GRIN2B: variants seen among roughly 807,000 people sequenced by gnomAD.
The protein encoded by GRIN2B is glutamate ionotropic receptor NMDA type subunit 2B.
Under a neutral mutation model 114.5 loss-of-function variants are expected in GRIN2B, and 5 were observed. The observed-to-expected ratio is 0.04, with a 90% CI of 0.02 to 0.09. The LOEUF (loss-of-function observed/expected upper bound fraction) is 0.09, where lower values mean the gene tolerates loss of function less well. GRIN2B is among the 10% of genes least tolerant of loss of function. GRIN2B has a pLI of 1.00. For missense variants in GRIN2B, 1,108 were observed against 1,943.5 expected (o/e 0.57, Z 8.08); for synonymous variants, 787 against 745.1 (o/e 1.06, Z -0.92).
chr12:13,862,380 T>C (rs2136742319), intron 3 of GRIN2B, among the ~76,000 whole-genome samples: 1 of 152,302 alleles, frequency 6.6e-6, no homozygotes, highest in Non-Finnish European at 1.5e-5. Context: ...AAGTGGGTTT[T>C]ATTGGAAATA....
chr12:13,817,445 C>T (rs1002243055), intron 3 of GRIN2B, among the ~76,000 whole-genome samples: 35 of 152,160 alleles, frequency 2.3e-4, no homozygotes, highest in African/African-American at 8.2e-4. Context: ...ACACGAGCCA[C>T]AGGATTGTAG....
chr12:13,958,292 G>A (rs1867627780), intron 2 of GRIN2B, among the ~76,000 whole-genome samples: 1 of 152,164 alleles, frequency 6.6e-6, no homozygotes, highest in African/African-American at 2.4e-5. Flanking sequence ...AGGCAACAGG[G>A]TTCAATGGAA....
intron 3 of GRIN2B, among the ~76,000 whole-genome samples, chr12:13,781,906 C>A (rs1864122731): frequency 6.6e-6 from 1 of 152,132 alleles, no homozygotes; most frequent in African/African-American, 2.4e-5. Context: ...TTCTAAGACT[C>A]TTAATATGGT....
At chr12:13,889,693 G>A (rs116122669) in intron 2 of GRIN2B, among the ~76,000 whole-genome samples, 1,830 of 152,174 alleles carry the variant, frequency 0.012, 40 homozygotes, top group African/African-American at 0.041. Flanking sequence ...ATTTTCCCCC[G>A]AAACTATCAT....
intron 3 of GRIN2B, among the ~76,000 whole-genome samples, chr12:13,843,107 TG>T (rs201556070): frequency 5.2e-4 from 67 of 128,826 alleles, no homozygotes; most frequent in African/African-American, 1.8e-3. Flanking sequence ...CTTGCTACAC[TG>T]GGGAAAAAAA....
At chr12:13,671,803 G>A (rs1950024134) in intron 5 of GRIN2B, among the ~76,000 whole-genome samples, 1 of 152,250 alleles carries the variant, frequency 6.6e-6, no homozygotes, top group East Asian at 1.9e-4. Flanking sequence ...GACACTGAAG[G>A]CAAGCACTCT....
chr12:13,794,521 G>A (rs1013270748), intron 3 of GRIN2B, among the ~76,000 whole-genome samples: 8 of 152,024 alleles, frequency 5.3e-5, no homozygotes, highest in Non-Finnish European at 1.0e-4. Flanking sequence ...CCCCGGACCC[G>A]AAATACCCAA....
intron 3 of GRIN2B, among the ~76,000 whole-genome samples, chr12:13,757,354 A>G (rs1278377137): frequency 6.6e-6 from 1 of 152,214 alleles, no homozygotes; most frequent in Non-Finnish European, 1.5e-5. Flanking sequence ...TAAGTTGCAA[A>G]TGGTGACAGG....
At chr12:13,856,263 G>A (rs754740153) in intron 3 of GRIN2B, among the ~76,000 whole-genome samples, 1 of 152,222 alleles carries the variant, frequency 6.6e-6, no homozygotes, top group Non-Finnish European at 1.5e-5. Context: ...GCTTGACATT[G>A]CTGCTCAAGG....
At chr12:13,680,012 G>A (rs1049016577) in intron 4 of GRIN2B, among the ~76,000 whole-genome samples, 1 of 152,116 alleles carries the variant, frequency 6.6e-6, no homozygotes, top group Non-Finnish European at 1.5e-5. Flanking sequence ...TAATTTGAGA[G>A]TCTAAAGGCA....
intron 3 of GRIN2B, among the ~76,000 whole-genome samples, chr12:13,756,122 C>T (rs58125071): frequency 1.3e-5 from 2 of 152,026 alleles, no homozygotes; most frequent in East Asian, 3.9e-4. Context: ...GGTTCAAGCA[C>T]TCTCTGCCTC....
At position 13,824,453 on chromosome 12, in the gene GRIN2B, C is replaced by A. The variant is rs571667382; in HGVS notation, c.411+41345G>T. Among the ~76,000 whole-genome samples, 3 of 152,086 alleles carry A rather than the reference C, an allele frequency of 2.0e-5. No homozygotes were observed. The South Asian group carries it at 6.2e-4, about 32-fold the overall frequency. Reference sequence around the variant, plus strand: ...TTTTATTAGCCTTTTAATTTTGATACGCTCTATAGTGATATCCCCCTTTCT... The same window carrying A: ...TTTTATTAGCCTTTTAATTTTGATAAGCTCTATAGTGATATCCCCCTTTCT... On this transcript the variant is annotated intron_variant, in intron 3 of 13. Transcript: ENST00000609686.
At chr12:13,736,505 T>C (rs181881906) in intron 4 of GRIN2B, among the ~76,000 whole-genome samples, 32 of 152,292 alleles carry the variant, frequency 2.1e-4, no homozygotes, top group African/African-American at 5.5e-4. Flanking sequence ...AGTAGCTACA[T>C]CTCATTTCAC....
At chr12:13,743,172 C>T (rs1043544505) in intron 4 of GRIN2B, among the ~76,000 whole-genome samples, 5 of 152,164 alleles carry the variant, frequency 3.3e-5, no homozygotes, top group South Asian at 2.1e-4. Flanking sequence ...TTAGAGTAAA[C>T]GTGCTTTGAG....
rs113108584 is a variant in GRIN2B, at chr12:13,656,487, A to T, written c.1125+19258T>A. ...GGAGACACAAATAAGTCAACTGCAC[A>T]AAGCAAAGAGAGTCAAAGGTCTTTC... On this transcript the variant is annotated intron_variant, in intron 5 of 13. Coordinates refer to ENST00000609686, the MANE Select transcript of GRIN2B (RefSeq NM_000834.5). Among the ~76,000 whole-genome samples the T allele has an allele frequency of 5.5e-3, 832 of 152,346 alleles. 7 individuals carry two copies. The highest frequency in any genetic ancestry group is 0.019 in the African/African-American group (786 of 41,584).
chr12:13,915,125 C>T (rs921802423), intron 2 of GRIN2B, among the ~76,000 whole-genome samples: 2 of 152,160 alleles, frequency 1.3e-5, no homozygotes, highest in Non-Finnish European at 2.9e-5. Context: ...CGGATTTTAT[C>T]TTTATGCATT....
At chr12:13,972,700 G>C (rs1171350501) in intron 2 of GRIN2B, among the ~76,000 whole-genome samples, 2 of 152,148 alleles carry the variant, frequency 1.3e-5, no homozygotes, top group East Asian at 3.9e-4. Flanking sequence ...GCCAACCTTA[G>C]GACTATTTTC....
intron 4 of GRIN2B, among the ~76,000 whole-genome samples, chr12:13,730,758 C>T (rs941499325): frequency 6.6e-6 from 1 of 152,080 alleles, no homozygotes; most frequent in South Asian, 2.1e-4. Flanking sequence ...CATTAGGCAA[C>T]TGAGCAGAAT....
rs1317180336 is a variant in GRIN2B at position 13,550,428 on chromosome 12, G to C, written c.*12355C>G. On this transcript the variant is annotated 3_prime_UTR_variant, in exon 14 of 14. Coordinates refer to ENST00000609686, the MANE Select transcript of GRIN2B (RefSeq NM_000834.5). The stretch of plus-strand genomic sequence containing the variant: ...ACCCATTTCTCGTGCCTGTTACCAA[G>C]AAATAACCAAAGTGAATGCGCTGAT... 6.6e-6 allele frequency: 1 copy of C among 152,166 alleles called. No homozygotes were observed. Among genetic ancestry groups the C allele is most frequent in the Non-Finnish European group, 1.5e-5 (1 of 68,016 alleles). The allele number at this position is 152,166 out of a possible 1,614,324, so 9.4% of individuals were successfully genotyped here.
Sources: gnomAD v4.1 joint callset for allele counts (sites outside exome capture counted in the v4.1 genomes callset) on GRCh38, gnomAD v4.1.1 for gene constraint, MANE v1.5 for transcripts, NCBI Gene and HGNC (gene_info 2026-07-23, HGNC 2026-07-21) for gene names.